The following PRDM2 variants were observed in gnomAD, a reference collection of about 807,000 sequenced individuals.
PRDM2 encodes PR domain zinc finger protein 2.
PRDM2 carries 30 observed loss-of-function variants against 130.0 expected under a neutral mutation model. The observed-to-expected ratio is 0.23, with a 90% CI of 0.17 to 0.31. PRDM2 has a LOEUF of 0.31. Among genes scored for constraint, PRDM2 ranks in the 10% least tolerant of loss-of-function variants. The pLI, the probability that PRDM2 is intolerant of heterozygous loss-of-function variation, is 1.00. For synonymous variants in PRDM2, 871 were observed against 782.4 expected, an observed-to-expected ratio of 1.11 and a Z score of -1.89; for missense variants, 2,011 against 2,108.4, an observed-to-expected ratio of 0.95 and a Z score of 0.90.
At position 13,760,016 on chromosome 1, in the gene PRDM2, TGATAA is replaced by T. The variant is rs1421913019; in HGVS notation, c.511+10533_511+10537del. Among the ~76,000 whole-genome samples the T allele has an allele frequency of 6.6e-5, 10 of 152,290 alleles. No homozygotes were observed. The South Asian group carries it at 1.9e-3, about 28-fold the overall frequency. On this transcript the variant is annotated intron_variant, in intron 6 of 9. Coordinates refer to ENST00000311066, the MANE Select transcript of PRDM2 (RefSeq NM_001393986.1). ...TTGTTAGGTGGGTCATGGGCTTGTT[TGATAA>T]GATCAAATTTGAGTGGTAAGCTTAA...
chr1:13,786,441 CT>C, intron 8 of PRDM2: 1 of 1,565,096 alleles, frequency 6.4e-7, no homozygotes. Context: ...GTCTATTCAC[CT>C]TTTTCTTTAA....
chr1:13,743,722 C>T (rs543135865), intron 5 of PRDM2, among the ~76,000 whole-genome samples: 1 of 152,336 alleles, frequency 6.6e-6, no homozygotes. Flanking sequence ...TAACCTGTAG[C>T]TGTTTAATTT....
Position 13,778,988 on chromosome 1 carries a change from C to T in PRDM2, c.1193C>T (p.Ala398Val). The change falls in exon 8 of 10, where the codon GCC (alanine) becomes GTC (valine). Residue 398 changes from alanine (A) to valine (V), a missense_variant. Physicochemically the swap from Ala to Val is moderately conservative, Grantham distance 64 (BLOSUM62 0). This residue lies in a region of PRDM2 where 1,288 missense variants were observed against 1,237.7 expected (regional missense o/e 1.04). Transcript: ENST00000311066. ...TTCAAATGCAAGTACTGTGGGAAAG[C>T]CTTTGGCACACAGATTAACCGGCGG... ...HAFKCKYCGK[A>V]FGTQINRRRH... The T allele has an allele frequency of 6.2e-7, 1 of 1,614,188 alleles. No individual in the cohort carries two copies. Among genetic ancestry groups the T allele is most frequent in the Non-Finnish European group, 8.5e-7 (1 of 1,180,028 alleles).
chr1:13,725,418 T>C (rs1364353235), intron 2 of PRDM2, among the ~76,000 whole-genome samples: 2 of 152,144 alleles, frequency 1.3e-5, no homozygotes. Flanking sequence ...TTGGCCAGGT[T>C]GGTCTTGAAC....
intron 2 of PRDM2, among the ~76,000 whole-genome samples, chr1:13,715,839 A>G (rs917226115): frequency 1.3e-5 from 2 of 151,800 alleles, no homozygotes; most frequent in African/African-American, 4.8e-5. Context: ...TGAGGAGAGG[A>G]CTCATTCTTA....
intron 1 of PRDM2, chr1:13,705,327 A>G (rs1361199850): frequency 1.3e-5 from 2 of 152,094 alleles, no homozygotes; most frequent in African/African-American, 4.8e-5. Context: ...TTTCTTAGAT[A>G]TTTCTCCTAA....
intron 6 of PRDM2, among the ~76,000 whole-genome samples, chr1:13,759,500 T>A (rs1644045083): frequency 6.6e-6 from 1 of 152,190 alleles, no homozygotes; most frequent in Non-Finnish European, 1.5e-5. Flanking sequence ...ATTTTTGTCT[T>A]TCATGTTTGG....
chr1:13,718,028 C>T (rs1232150190), intron 2 of PRDM2, among the ~76,000 whole-genome samples: 3 of 152,132 alleles, frequency 2.0e-5, no homozygotes, highest in African/African-American at 7.2e-5. Flanking sequence ...AGTCATTCTT[C>T]AGGGTTAAGA....
intron 2 of PRDM2, among the ~76,000 whole-genome samples, chr1:13,726,474 G>A (rs1569758752): frequency 6.6e-6 from 1 of 152,152 alleles, no homozygotes; most frequent in East Asian, 1.9e-4. Context: ...TGAGGAGGGG[G>A]TCCTAGCATG....
chr1:13,816,370 T>G (rs1645257145), intron 8 of PRDM2, 57 bp from the exon 9 acceptor site: 1 of 1,601,194 alleles, frequency 6.2e-7, no homozygotes, highest in East Asian at 2.2e-5. Context: ...CCCAGCAATG[T>G]CTAGGGCACC....
At position 13,805,147 on chromosome 1, in the gene PRDM2, A is replaced by G. The variant is rs576359741; in HGVS notation, c.5037-11280A>G. ...CTGCTGGGAATTTGAGGAGCTCCCA[A>G]AAACTACCCAAAGTAGCTCCTGGTG... On this transcript the variant is annotated intron_variant, in intron 8 of 9. Transcript: ENST00000311066. Among the ~76,000 whole-genome samples, 5 of 152,268 alleles carry G rather than the reference A, an allele frequency of 3.3e-5. No homozygotes were observed. The East Asian group carries it at 9.7e-4, about 29-fold the overall frequency.
rs201531715 is a variant in PRDM2 at position 13,780,488 on chromosome 1, G to A, written c.2693G>A (p.Gly898Asp). 43 of 1,614,102 alleles carry A rather than the reference G, an allele frequency of 2.7e-5. 1 individual carries two copies. In the Admixed American group the frequency reaches 4.8e-4, roughly 18 times the overall value. The change falls in exon 8 of 10, where the codon GGC becomes GAC. Residue 898 changes from glycine to aspartate, a missense_variant. Gly to Asp is a moderately conservative substitution (Grantham distance 94). Around this residue, in one of 5 missense-constraint regions of PRDM2, gnomAD observed 1,288 missense variants for 1,237.7 expected, o/e 1.04. Coordinates refer to ENST00000311066, the MANE Select transcript of PRDM2 (RefSeq NM_001393986.1). The stretch of plus-strand genomic sequence containing the variant: ...AAGGTTCTTCTCAATGAATATAATG[G>A]CATCGATTTACCTGTAGAAAACCCT... ...LQKVLLNEYN[G>D]IDLPVENPAD... is the part of the protein sequence containing the mutation.
In PRDM2 at chr1:13,735,071, C is replaced by T. The variant is rs140031508; in HGVS notation, c.231+2189C>T. On this transcript the variant is annotated intron_variant, in intron 4 of 9. Coordinates refer to ENST00000311066, the MANE Select transcript of PRDM2 (RefSeq NM_001393986.1). ...TTGGCATTTGTTCTTCCATCAAAGC[C>T]CCTAAGACCAGCTTATCTTTTAGCA... Among the ~76,000 whole-genome samples, 9 of 152,274 alleles carry T rather than the reference C, an allele frequency of 5.9e-5. No individual in the cohort carries two copies. In the East Asian group the frequency reaches 1.2e-3, roughly 20 times the overall value.
intron 2 of PRDM2, among the ~76,000 whole-genome samples, chr1:13,721,704 G>C (rs2495051): frequency 0.8 from 121,776 of 152,166 alleles, 49,578 homozygotes; most frequent in African/African-American, 0.94. Flanking sequence ...CCTTAAGTCA[G>C]TGGAATGAGC....
At position 13,779,966 on chromosome 1, in the gene PRDM2, C is replaced by T; in HGVS notation, c.2171C>T (p.Ser724Leu). 6.2e-7 allele frequency: 1 copy of T among 1,614,230 alleles called. No individual in the cohort carries two copies. Among genetic ancestry groups the T allele is most frequent in the Non-Finnish European group, 8.5e-7 (1 of 1,180,042 alleles). The change falls in exon 8 of 10, where the codon TCA (serine) becomes TTA (leucine). Residue 724 changes from serine to leucine, a missense_variant. Around this residue, in one of 5 missense-constraint regions of PRDM2, gnomAD observed 1,288 missense variants for 1,237.7 expected, o/e 1.04. Transcript: ENST00000311066. This position sits in a 1 kb window ranked among gnomAD's most constrained non-coding sequence, Gnocchi z 4.9. ...LGPVCVSAPA[S>L]MLPVTSSRFK... ...CCTGTTTGTGTGTCTGCTCCTGCATCAATGTTGCCTGTGACCTCAAGTAGG... is the reference window on the plus strand; with the variant it reads ...CCTGTTTGTGTGTCTGCTCCTGCATTAATGTTGCCTGTGACCTCAAGTAGG...
rs550535348 is a variant in PRDM2, at chr1:13,783,374, G to A, written c.5036+543G>A. Among the ~76,000 whole-genome samples, 29 of 152,244 alleles carry A rather than the reference G, an allele frequency of 1.9e-4. No homozygotes were observed. In the South Asian group the frequency reaches 5.6e-3, roughly 29 times the overall value. ...AAACAAAACATAGTCCTTTAAAAAG[G>A]TCTTATGCACTGTCCCCCACCTCCT... On this transcript the variant is annotated intron_variant, in intron 8 of 9. Transcript: ENST00000311066.
intron 5 of PRDM2, among the ~76,000 whole-genome samples, chr1:13,748,341 A>G (rs895232650): frequency 1.3e-5 from 2 of 152,246 alleles, no homozygotes; most frequent in African/African-American, 4.8e-5. Flanking sequence ...TGATTGCCAA[A>G]TGGCGCTTTT....
intron 1 of PRDM2, among the ~76,000 whole-genome samples, chr1:13,711,975 G>A (rs1642382686): frequency 1.3e-5 from 2 of 150,102 alleles, no homozygotes; most frequent in South Asian, 4.2e-4. Flanking sequence ...TTATGTAGCA[G>A]TCTGAATTTT....
intron 5 of PRDM2, among the ~76,000 whole-genome samples, chr1:13,745,153 C>T (rs904387752): frequency 1.1e-4 from 16 of 152,210 alleles, no homozygotes; most frequent in African/African-American, 2.9e-4. Context: ...GAGGATGTTT[C>T]GTGTTATAGG....
Sources: gnomAD v4.1 joint callset for allele counts (sites outside exome capture counted in the v4.1 genomes callset) on GRCh38, gnomAD v4.1.1 for gene constraint, gnomAD v4.1.1 regional missense constraint, Gnocchi (gnomAD v3.1) non-coding constraint, MANE v1.5 for transcripts, NCBI Gene and HGNC (gene_info 2026-07-23, HGNC 2026-07-21) for gene names.